PUDP: variants seen among roughly 807,000 people sequenced by gnomAD.
PUDP encodes the protein pseudouridine 5'-phosphatase.
PUDP carries 8 observed loss-of-function variants against 9.4 expected under a neutral mutation model. That is an observed-to-expected ratio of 0.85 (90% confidence interval 0.50 to 1.53). The LOEUF (loss-of-function observed/expected upper bound fraction) is 1.53, where lower values mean the gene tolerates loss of function less well. Among genes scored for constraint, PUDP ranks in the 40% most tolerant of loss-of-function variants. PUDP has a pLI of 0.00. For synonymous variants in PUDP, 99 were observed against 80.7 expected (o/e 1.23, Z -1.22); for missense variants, 188 against 189.7 (o/e 0.99, Z 0.05).
At chrX:7,078,235 CT>C (rs1930976768) in intron 2 of PUDP, among the ~76,000 whole-genome samples, 1 of 112,571 alleles carries the variant, frequency 8.9e-6, no homozygotes, top group Admixed American at 9.4e-5. Context: ...CTACCTTTAA[CT>C]TATGCGACTA....
intron 3 of PUDP, among the ~76,000 whole-genome samples, chrX:6,771,860 C>A (rs1454756266): frequency 8.9e-6 from 1 of 112,286 alleles, no homozygotes; most frequent in Non-Finnish European, 1.9e-5. Context: ...AAATGAATGG[C>A]TGTAGCTGTG....
Position 7,140,016 on chromosome X carries a change from C to G in PUDP, c.61+8037G>C, listed in dbSNP as rs770941468. Among the ~76,000 whole-genome samples, 4 of 112,294 alleles carry G rather than the reference C, an allele frequency of 3.6e-5. No homozygotes were observed. In the South Asian group the frequency reaches 1.5e-3, roughly 42 times the overall value. ...AAGGAGGATCAGGAAAGGTGGTGAT[C>G]TATCTGCCAGACATTGCTGAAAAGG... On this transcript the variant is annotated intron_variant, in intron 1 of 3. Coordinates refer to ENST00000381077, the MANE Select transcript of PUDP (RefSeq NM_012080.5).
intron 2 of PUDP, among the ~76,000 whole-genome samples, chrX:7,098,737 G>A (rs749960174): frequency 9.0e-6 from 1 of 111,332 alleles, no homozygotes; most frequent in Non-Finnish European, 1.9e-5. Flanking sequence ...CTCTCCAGGG[G>A]GCCAGGGTTC....
chrX:6,791,800 G>A (rs1447413589), intron 3 of PUDP, among the ~76,000 whole-genome samples: 1 of 112,357 alleles, frequency 8.9e-6, no homozygotes, highest in Non-Finnish European at 1.9e-5. Context: ...AAAGTTTGTG[G>A]TAACCCAAGA....
chrX:6,859,106 A>G (rs1926959308), intron 3 of PUDP, among the ~76,000 whole-genome samples: 1 of 111,825 alleles, frequency 8.9e-6, no homozygotes, highest in Non-Finnish European at 1.9e-5. Context: ...GCCTGCTGCC[A>G]TGTAAGACAT....
In PUDP at chrX:6,802,624, C is replaced by T. The variant is rs189083741; in HGVS notation, c.*248-96158G>A. Among the ~76,000 whole-genome samples the T allele has an allele frequency of 7.8e-4, 86 of 110,007 alleles. 1 individual carries two copies. In the East Asian group the frequency reaches 0.021, roughly 27 times the overall value. Reference sequence around the variant, plus strand: ...GAGGGCTGGGTGCGGTGGCTCACATCTGTAAACCCAGCACTCTGGGAGGCC... The same window carrying T: ...GAGGGCTGGGTGCGGTGGCTCACATTTGTAAACCCAGCACTCTGGGAGGCC... On this transcript the variant is annotated intron_variant and NMD_transcript_variant, in intron 3 of 3. Transcript: ENST00000655425.
At chrX:6,870,241 T>C (rs772421736) in intron 3 of PUDP, among the ~76,000 whole-genome samples, 24 of 111,868 alleles carry the variant, frequency 2.1e-4, no homozygotes, top group African/African-American at 7.1e-4. Context: ...GAGGTGGTGG[T>C]CATTGTAAAA....
At chrX:6,954,511 G>C (rs758289757) in intron 3 of PUDP, among the ~76,000 whole-genome samples, 2 of 111,236 alleles carry the variant, frequency 1.8e-5, no homozygotes, top group Non-Finnish European at 3.8e-5. Flanking sequence ...GTCAGTCCGT[G>C]TCAGCCAACT....
At chrX:7,133,437 G>A (rs1359802030) in intron 1 of PUDP, among the ~76,000 whole-genome samples, 3 of 112,283 alleles carry the variant, frequency 2.7e-5, no homozygotes, top group Admixed American at 9.4e-5. Context: ...GGAACTATCC[G>A]TGAAGCCAAA....
rs191796881 is a variant in PUDP at position 6,798,480 on chromosome X, T to C, written c.*248-92014A>G. Among the ~76,000 whole-genome samples, 614 of 111,567 alleles carry C rather than the reference T, an allele frequency of 5.5e-3. 6 individuals are homozygous for C. The highest frequency in any genetic ancestry group is 0.019 in the African/African-American group (577 of 30,719). ...AGTGCAGTATAAAATAGTTTTGTTT[T>C]TTCATCATTCTCAGATGCCCATGTT... is the stretch of plus-strand genomic sequence containing the variant. On this transcript the variant is annotated intron_variant and NMD_transcript_variant, in intron 3 of 3. Coordinates refer to the PUDP transcript ENST00000655425.
chrX:7,082,450 A>G (rs1473656396), intron 2 of PUDP, among the ~76,000 whole-genome samples: 9 of 112,358 alleles, frequency 8.0e-5, no homozygotes, highest in Non-Finnish European at 1.3e-4. Context: ...GCAGTGAGCA[A>G]CAGAATCAAG....
chrX:6,817,231 C>T (rs956953461), intron 3 of PUDP, among the ~76,000 whole-genome samples: 5 of 108,896 alleles, frequency 4.6e-5, no homozygotes, highest in Non-Finnish European at 7.6e-5. Context: ...TTCATGCCAC[C>T]ATGCCCAGAT....
intron 1 of PUDP, among the ~76,000 whole-genome samples, chrX:7,135,952 C>T: frequency 9.0e-6 from 1 of 111,417 alleles, no homozygotes; most frequent in East Asian, 2.8e-4. Flanking sequence ...TTTCATAGTA[C>T]CCCCTAAATA....
At chrX:6,790,956 T>C (rs909046025) in intron 3 of PUDP, among the ~76,000 whole-genome samples, 1 of 112,281 alleles carries the variant, frequency 8.9e-6, no homozygotes, top group Non-Finnish European at 1.9e-5. Flanking sequence ...TCTAGTTAAA[T>C]ATAAGCTTGG....
chrX:6,771,325 T>C (rs1200292438), intron 3 of PUDP, among the ~76,000 whole-genome samples: 1 of 112,209 alleles, frequency 8.9e-6, no homozygotes, highest in African/African-American at 3.2e-5. Flanking sequence ...TATCTCCTTT[T>C]TATGCATTTC....
chrX:6,775,511 A>ATACAC (rs1925440263), intron 3 of PUDP, among the ~76,000 whole-genome samples: 1 of 110,274 alleles, frequency 9.1e-6, no homozygotes, highest in Admixed American at 9.7e-5. Context: ...ACATACACAC[A>ATACAC]CACACACACA....
At chrX:6,762,947 A>G (rs1925244230) in intron 3 of PUDP, among the ~76,000 whole-genome samples, 1 of 112,387 alleles carries the variant, frequency 8.9e-6, no homozygotes, top group South Asian at 3.7e-4. Flanking sequence ...TTGTGAGCAT[A>G]TTACCAGGTG....
intron 2 of PUDP, among the ~76,000 whole-genome samples, chrX:7,090,764 G>C (rs1291575633): frequency 9.0e-6 from 1 of 111,433 alleles, no homozygotes; most frequent in Non-Finnish European, 1.9e-5. Context: ...AGAAGCTCCT[G>C]TGTTGTCACA....
chrX:6,877,480 T>A (rs1451363091), intron 3 of PUDP, among the ~76,000 whole-genome samples: 2 of 111,095 alleles, frequency 1.8e-5, no homozygotes, highest in African/African-American at 6.5e-5. Context: ...GACCATAACG[T>A]GAGAAGTTTT....
Sources: allele counts gnomAD v4.1 joint callset (sites outside exome capture counted in the v4.1 genomes callset), GRCh38; gene constraint gnomAD v4.1.1; transcripts MANE v1.5; gene names NCBI Gene and HGNC (gene_info 2026-07-23, HGNC 2026-07-21).